Variants in NRG1 observed in about 807,000 individuals in gnomAD.
The protein encoded by NRG1 is neuregulin 1.
NRG1 carries 18 observed loss-of-function variants against 63.8 expected under a neutral mutation model. That is an observed-to-expected ratio of 0.28 (90% CI 0.19 to 0.42). NRG1 has a LOEUF of 0.42. Among genes scored for constraint, NRG1 ranks in the 10% least tolerant of loss-of-function variants. NRG1 has a pLI of 1.00. For synonymous variants in NRG1, 302 were observed against 301.3 expected (o/e 1.00, Z -0.02); for missense variants, 762 against 814.7 (o/e 0.94, Z 0.79).
chr8:32,011,109 A>G (rs1563677267), intron 1 of NRG1, among the ~76,000 whole-genome samples: 1 of 152,106 alleles, frequency 6.6e-6, no homozygotes, highest in Non-Finnish European at 1.5e-5. Flanking sequence ...TTACACATAA[A>G]CATTGTTTTG....
intron 1 of NRG1, among the ~76,000 whole-genome samples, chr8:32,033,454 T>A (rs1818586427): frequency 6.6e-6 from 1 of 152,166 alleles, no homozygotes; most frequent in South Asian, 2.1e-4. Flanking sequence ...TTTATATAAA[T>A]TTTAAAGTAG....
At chr8:32,728,198 G>C in intron 6 of NRG1, 120 bp downstream of exon 6, 1 of 1,516,132 alleles carries the variant, frequency 6.6e-7, no homozygotes. Context: ...GAATAATGCT[G>C]TTTTATATGT....
intron 1 of NRG1, among the ~76,000 whole-genome samples, chr8:32,533,922 G>T (rs553648216): frequency 7.1e-4 from 108 of 152,150 alleles, no homozygotes; most frequent in African/African-American, 2.5e-3. Flanking sequence ...AGGCAGAAAG[G>T]TTAGACTAAA....
At chr8:31,886,053 T>C (rs1183847649) in intron 1 of NRG1, among the ~76,000 whole-genome samples, 1 of 152,086 alleles carries the variant, frequency 6.6e-6, no homozygotes, top group Non-Finnish European at 1.5e-5. Context: ...TGAGTAAGAA[T>C]TAGTGAAGAG....
intron 1 of NRG1, among the ~76,000 whole-genome samples, chr8:32,059,752 A>G (rs1823542170): frequency 6.6e-6 from 1 of 151,950 alleles, no homozygotes; most frequent in South Asian, 2.1e-4. Flanking sequence ...CACTTATTAC[A>G]ATATACACTC....
chr8:31,760,775 T>G (rs1237414335), intron 1 of NRG1, among the ~76,000 whole-genome samples: 1 of 152,110 alleles, frequency 6.6e-6, no homozygotes, highest in African/African-American at 2.4e-5. Context: ...CCAGTTAGAA[T>G]GGCAATCATT....
intron 1 of NRG1, among the ~76,000 whole-genome samples, chr8:31,793,036 A>C (rs952180878): frequency 1.2e-4 from 18 of 152,250 alleles, no homozygotes; most frequent in African/African-American, 4.3e-4. Flanking sequence ...CAAATAGCTC[A>C]TAACCAATCA....
chr8:32,267,966 G>A lies in NRG1; in HGVS notation c.38-327862G>A, dbSNP rs911028295. Among the ~76,000 whole-genome samples the A allele has an allele frequency of 1.1e-4, 17 of 152,206 alleles. 1 individual carries two copies. In the South Asian group the frequency reaches 1.9e-3, roughly 17 times the overall value. On this transcript the variant is annotated intron_variant, in intron 1 of 10. Transcript: ENST00000519301. ...TGCTTCCCCCTCTTTGAATGTCAGC[G>A]GACCTTTAACCTAGAGAATACAGCA...
intron 1 of NRG1, among the ~76,000 whole-genome samples, chr8:31,955,061 T>C (rs576774268): frequency 1.3e-5 from 2 of 152,254 alleles, no homozygotes; most frequent in Admixed American, 6.5e-5. Context: ...CACTGCAAAA[T>C]GTTTTTAAAT....
At chr8:32,526,878 G>A (rs528796807) in intron 1 of NRG1, among the ~76,000 whole-genome samples, 3 of 152,100 alleles carry the variant, frequency 2.0e-5, no homozygotes, top group Admixed American at 2.0e-4. Flanking sequence ...CCTTTTGGAG[G>A]GCTAAATGCT....
chr8:32,659,744 AT>A (rs1274354457), intron 5 of NRG1, among the ~76,000 whole-genome samples: 2 of 152,072 alleles, frequency 1.3e-5, no homozygotes, highest in Admixed American at 6.5e-5. Flanking sequence ...CTTCATCCCG[AT>A]GGACCATGTT....
Position 31,640,437 on chromosome 8 carries a change from C to G in NRG1, c.37+1006C>G. 1.3e-6 allele frequency: 2 copies of G among 1,522,562 alleles called. No individual in the cohort carries two copies. Among genetic ancestry groups the G allele is most frequent in the South Asian group, 2.5e-5 (2 of 81,238 alleles). The allele number at this position is 1,522,562 out of a possible 1,614,324, so 94.3% of individuals were successfully genotyped here. A position where few individuals can be genotyped will look rare whatever the true frequency, so the allele number is the denominator to read the frequency against. On this transcript the variant is annotated intron_variant, in intron 1 of 10. Transcript: ENST00000519301. The surrounding 1 kb of genome is among the most constrained non-coding windows in gnomAD (Gnocchi z 6.3). ...GGCCCACCGCCCCGGTGCCCAGCGC[C>G]GGCGAGCCCGGGGAGGAGGCGCCCT...
chr8:32,658,518 C>T (rs929136321), intron 5 of NRG1, among the ~76,000 whole-genome samples: 3 of 152,158 alleles, frequency 2.0e-5, no homozygotes, highest in East Asian at 3.9e-4. Context: ...CCCAGACCTA[C>T]GTATGTTCTG....
chr8:31,989,433 C>T (rs1181561062), intron 1 of NRG1, among the ~76,000 whole-genome samples: 1 of 151,642 alleles, frequency 6.6e-6, no homozygotes, highest in Non-Finnish European at 1.5e-5. Flanking sequence ...TTATTGTGTC[C>T]CAGTTCAGTT....
At chr8:31,739,101 G>A (rs1814997358) in intron 1 of NRG1, among the ~76,000 whole-genome samples, 2 of 151,986 alleles carry the variant, frequency 1.3e-5, no homozygotes, top group African/African-American at 4.8e-5. Context: ...ATGCAAAGAC[G>A]TTTGTCTTCC....
chr8:32,690,759 A>G (rs1811382689), intron 5 of NRG1, among the ~76,000 whole-genome samples: 1 of 152,030 alleles, frequency 6.6e-6, no homozygotes, highest in Non-Finnish European at 1.5e-5. Context: ...CCTTGAGCAG[A>G]GTGACTCTTT....
chr8:32,593,775 C>A (rs1842897309), intron 1 of NRG1, among the ~76,000 whole-genome samples: 2 of 149,300 alleles, frequency 1.3e-5, no homozygotes, highest in African/African-American at 4.9e-5. Context: ...TTTAAAAAAC[C>A]TGCAAAACAG....
chr8:32,663,233 T>C (rs1471131947), intron 5 of NRG1, among the ~76,000 whole-genome samples: 1 of 152,196 alleles, frequency 6.6e-6, no homozygotes, highest in Admixed American at 6.5e-5. Context: ...TTCAGTCATC[T>C]TTTAAACTTT....
chr8:32,220,498 T>C (rs1054619763), intron 1 of NRG1, among the ~76,000 whole-genome samples: 1 of 152,082 alleles, frequency 6.6e-6, no homozygotes, highest in Non-Finnish European at 1.5e-5. Flanking sequence ...GTTAGTAGCT[T>C]GGGATCCTTC....
Sources: gnomAD v4.1 joint callset for allele counts (sites outside exome capture counted in the v4.1 genomes callset) on GRCh38, gnomAD v4.1.1 for gene constraint, Gnocchi (gnomAD v3.1) non-coding constraint, MANE v1.5 for transcripts, NCBI Gene and HGNC (gene_info 2026-07-23, HGNC 2026-07-21) for gene names.